The following PTPRD variants were observed in gnomAD, a reference collection of about 807,000 sequenced individuals.
The protein encoded by PTPRD is receptor-type tyrosine-protein phosphatase delta.
Under a neutral mutation model 214.5 loss-of-function variants are expected in PTPRD, and 34 were observed. The ratio of observed to expected loss-of-function variants is 0.16; its 90% CI spans 0.12 to 0.21. PTPRD has a LOEUF of 0.21. Among genes scored for constraint, PTPRD ranks in the 10% least tolerant of loss-of-function variants. The pLI, the probability that PTPRD is intolerant of heterozygous loss-of-function variation, is 1.00. For synonymous variants in PTPRD, 1,128 were observed against 845.7 expected (o/e 1.33, Z -5.79); for missense variants, 2,545 against 2,398.7 (o/e 1.06, Z -1.27).
intron 12 of PTPRD, among the ~76,000 whole-genome samples, chr9:8,697,417 C>CTTTTTTTTTTTTTTTTTTTTTTTTTGTTT (rs752677458): frequency 6.3e-5 from 4 of 63,244 alleles, no homozygotes; most frequent in East Asian, 4.7e-4. Context: ...TTTTTATGTA[C>CTTTTTTTTTTTTTTTTTTTTTTTTTGTTT]TTTTTTTTTT....
intron 11 of PTPRD, among the ~76,000 whole-genome samples, chr9:8,905,606 G>A (rs550919415): frequency 1.1e-4 from 17 of 152,016 alleles, no homozygotes; most frequent in Admixed American, 1.1e-3. Flanking sequence ...GGGCATGGTG[G>A]CGAGTGCCTG....
At chr9:8,334,063 G>GACTT (rs1358700946) in intron 43 of PTPRD, among the ~76,000 whole-genome samples, 1 of 152,212 alleles carries the variant, frequency 6.6e-6, no homozygotes, top group East Asian at 1.9e-4. Context: ...CCTACAAAGA[G>GACTT]ACTTAGACTC....
intron 10 of PTPRD, among the ~76,000 whole-genome samples, chr9:9,066,775 G>T (rs1421643519): frequency 6.6e-6 from 1 of 152,234 alleles, no homozygotes; most frequent in Non-Finnish European, 1.5e-5. Flanking sequence ...AAAGCTGGAA[G>T]ATAAACGGGA....
intron 44 of PTPRD, among the ~76,000 whole-genome samples, chr9:8,320,377 C>A (rs1448943182): frequency 1.3e-5 from 2 of 152,104 alleles, no homozygotes; most frequent in Non-Finnish European, 2.9e-5. Flanking sequence ...GCATCTTCAA[C>A]TTTTCTATCA....
chr9:8,951,958 C>T (rs182555254), intron 11 of PTPRD, among the ~76,000 whole-genome samples: 8 of 152,086 alleles, frequency 5.3e-5, no homozygotes, highest in African/African-American at 1.4e-4. Flanking sequence ...CTAATTCATT[C>T]TTCGGTCTCT....
chr9:9,857,068 G>C (rs2061692064), intron 5 of PTPRD, among the ~76,000 whole-genome samples: 1 of 152,112 alleles, frequency 6.6e-6, no homozygotes, highest in Admixed American at 6.5e-5. Context: ...CCATAGCTTT[G>C]TGCGGGCCCC....
intron 5 of PTPRD, among the ~76,000 whole-genome samples, chr9:9,861,629 T>G (rs2062801317): frequency 6.6e-6 from 1 of 152,218 alleles, no homozygotes; most frequent in Non-Finnish European, 1.5e-5. Flanking sequence ...AAAGAATATT[T>G]AGATGTTAAC....
intron 26 of PTPRD, among the ~76,000 whole-genome samples, chr9:8,493,965 C>A (rs1417794570): frequency 6.6e-6 from 1 of 151,160 alleles, no homozygotes; most frequent in Non-Finnish European, 1.5e-5. Flanking sequence ...TGCGCGCGTA[C>A]ACAGACACAT....
At chr9:10,193,020 T>G (rs1372917150) in intron 3 of PTPRD, among the ~76,000 whole-genome samples, 1 of 152,126 alleles carries the variant, frequency 6.6e-6, no homozygotes, top group Non-Finnish European at 1.5e-5. Flanking sequence ...AAATCCAAAT[T>G]TCCCTTATTA....
At position 8,436,666 on chromosome 9, in the gene PTPRD, G is replaced by A. The variant is rs775630094; in HGVS notation, c.4012C>T (p.Pro1338Ser). 5 of 1,613,112 alleles carry A rather than the reference G, an allele frequency of 3.1e-6. No homozygotes were observed. The highest frequency in any genetic ancestry group is 3.4e-6 in the Non-Finnish European group (4 of 1,179,532). The change falls in exon 35 of 46, where the codon CCC (proline) becomes TCC (serine). Residue 1338 changes from proline (P) to serine (S), a missense_variant. Coordinates refer to ENST00000381196, the MANE Select transcript of PTPRD (RefSeq NM_002839.4). ...TPGMASHPPIPILELADHIER... is the reference protein window; with the variant it reads ...TPGMASHPPISILELADHIER... ...ATGTGGTCTGCAAGTTCCAAGATGG[G>A]TATTGGAGGATGGCTAGCCATACCT...
At chr9:8,510,042 G>C (rs1054774401) in intron 21 of PTPRD, among the ~76,000 whole-genome samples, 2 of 152,118 alleles carry the variant, frequency 1.3e-5, no homozygotes, top group African/African-American at 4.8e-5. Flanking sequence ...CCAGCACTTT[G>C]GGAGGCCAAG....
chr9:8,528,381 G>T lies in PTPRD; in HGVS notation c.541+210C>A, dbSNP rs750793928. 5 of 625,556 alleles carry T rather than the reference G, an allele frequency of 8.0e-6. No individual in the cohort carries two copies. The South Asian group carries it at 1.0e-4, about 13-fold the overall frequency. The allele number at this position is 625,556 out of a possible 1,614,324, so 38.8% of individuals were successfully genotyped here. A position where few individuals can be genotyped will look rare whatever the true frequency, so the allele number is the denominator to read the frequency against. On this transcript the variant is annotated intron_variant, in intron 15 of 45. Transcript: ENST00000381196. ...GAGCAATGTGGATTAAACAGAAGCT[G>T]CAAAACACACAGAGAAAAGGAGAAA...
chr9:8,978,189 C>T (rs1244154758), intron 11 of PTPRD, among the ~76,000 whole-genome samples: 1 of 152,060 alleles, frequency 6.6e-6, no homozygotes, highest in Non-Finnish European at 1.5e-5. Flanking sequence ...GCCATTCCCA[C>T]ACAATGTGGA....
chr9:8,901,574 C>T (rs1428483097), intron 11 of PTPRD, among the ~76,000 whole-genome samples: 1 of 152,200 alleles, frequency 6.6e-6, no homozygotes, highest in Non-Finnish European at 1.5e-5. Flanking sequence ...CTTATCCAAG[C>T]TCTCAGCAGT....
At chr9:8,497,307 A>G in intron 25 of PTPRD, 39 bp from the exon 26 acceptor site, 2 of 1,547,556 alleles carry the variant, frequency 1.3e-6, no homozygotes, top group Non-Finnish European at 1.8e-6. Flanking sequence ...AAACAAAATA[A>G]AAAGAAAAAG....
At chr9:9,934,679 C>T (rs909759208) in intron 5 of PTPRD, among the ~76,000 whole-genome samples, 9 of 151,050 alleles carry the variant, frequency 6.0e-5, no homozygotes, top group South Asian at 2.1e-4. Context: ...CCTTCTGAAA[C>T]TATTCCAATC....
chr9:8,791,964 G>A (rs1014315349), intron 11 of PTPRD, among the ~76,000 whole-genome samples: 1 of 152,182 alleles, frequency 6.6e-6, no homozygotes, highest in African/African-American at 2.4e-5. Flanking sequence ...AAGGGAGAGT[G>A]AAGGTCAGGG....
chr9:8,817,522 T>C (rs916483961), intron 11 of PTPRD, among the ~76,000 whole-genome samples: 3 of 152,086 alleles, frequency 2.0e-5, no homozygotes, highest in Non-Finnish European at 2.9e-5. Context: ...AGCCAGCTCC[T>C]TGGGAGGCTG....
At chr9:9,252,588 C>T (rs1284008568) in intron 9 of PTPRD, among the ~76,000 whole-genome samples, 1 of 152,070 alleles carries the variant, frequency 6.6e-6, no homozygotes, top group East Asian at 1.9e-4. Flanking sequence ...CTCAGGCAAT[C>T]TTCTTGCCTC....
Sources: gnomAD v4.1 joint callset for allele counts (sites outside exome capture counted in the v4.1 genomes callset) on GRCh38, gnomAD v4.1.1 for gene constraint, MANE v1.5 for transcripts, NCBI Gene and HGNC (gene_info 2026-07-23, HGNC 2026-07-21) for gene names.